Variants in MYO9B observed in about 807,000 individuals in gnomAD.
MYO9B encodes myosin IXB.
MYO9B carries 71 observed loss-of-function variants against 229.5 expected under a neutral mutation model. The observed-to-expected ratio is 0.31, with a 90% CI of 0.26 to 0.38. The LOEUF (loss-of-function observed/expected upper bound fraction) is 0.38. Ranked by LOEUF, MYO9B falls within the 10% of genes least tolerant of loss-of-function variation. The pLI is 1.00. For synonymous variants in MYO9B, 1,185 were observed against 1,235.8 expected (o/e 0.96, Z 0.86); for missense variants, 2,255 against 2,920.5 (o/e 0.77, Z 5.25).
At position 17,195,702 on chromosome 19, in the gene MYO9B, G is replaced by A. The variant is rs573209570; in HGVS notation, c.4046+229G>A. Among the ~76,000 whole-genome samples, 2 of 152,310 alleles carry A rather than the reference G, an allele frequency of 1.3e-5. No homozygotes were observed. Among genetic ancestry groups the A allele is most frequent in the South Asian group, 4.1e-4 (2 of 4,830 alleles). On this transcript the variant is annotated intron_variant, in intron 22 of 39. Transcript: ENST00000682292. The surrounding 1 kb of genome is among the most constrained non-coding windows in gnomAD (Gnocchi z 4.5). ...CCTTGAGGGGTCCCCAGAAGGAGCTGTGCTCACACAGAAAGGCCCCGGCCT... is the reference window on the plus strand; with the variant it reads ...CCTTGAGGGGTCCCCAGAAGGAGCTATGCTCACACAGAAAGGCCCCGGCCT...
At chr19:17,142,218 TA>T (rs1282591781) in intron 2 of MYO9B, among the ~76,000 whole-genome samples, 1 of 149,618 alleles carries the variant, frequency 6.7e-6, no homozygotes, top group African/African-American at 2.5e-5. Context: ...CAACAGGCCA[TA>T]AGTGTATGAC....
intron 2 of MYO9B, among the ~76,000 whole-genome samples, chr19:17,132,841 TTTTA>T (rs891444400): frequency 6.7e-6 from 1 of 149,604 alleles, no homozygotes. Flanking sequence ...TTTATTTCTT[TTTTA>T]TTTATTTATT....
rs140236783 is a variant in MYO9B, at chr19:17,184,763, G to A, written c.2374-102G>A. The A allele has an allele frequency of 2.0e-4, 301 of 1,501,450 alleles. 1 individual carries two copies. In the African/African-American group the frequency reaches 2.7e-3, roughly 13 times the overall value. 93.0% of individuals were successfully genotyped at this position (1,501,450 alleles called of 1,614,324 possible). On this transcript the variant is annotated intron_variant, in intron 16 of 39. Transcript: ENST00000682292. ...AAGAGCTGCTGCCCGGGCACTCGCT[G>A]CGGGGACGCTGTTCTGCCCTGGCTT...
intron 3 of MYO9B, among the ~76,000 whole-genome samples, chr19:17,146,166 G>GATGC (rs1319459394): frequency 1.1e-4 from 4 of 35,880 alleles, no homozygotes; most frequent in Non-Finnish European, 2.5e-4. Context: ...TGGATAGATG[G>GATGC]ATGGATGGAT....
At chr19:17,197,318 T>A in intron 22 of MYO9B, among the ~76,000 whole-genome samples, 1 of 147,588 alleles carries the variant, frequency 6.8e-6, no homozygotes, top group African/African-American at 2.5e-5. Flanking sequence ...GATGAAGAGA[T>A]GGATGGAAGG....
At chr19:17,199,690 CT>C (rs202022614) in intron 24 of MYO9B, among the ~76,000 whole-genome samples, 4 of 72,048 alleles carry the variant, frequency 5.6e-5, no homozygotes, top group African/African-American at 2.3e-4. Context: ...ATTTTTTTTT[CT>C]TTTTTTTTCT....
intron 36 of MYO9B, 30 bp from the exon 37 acceptor site, chr19:17,210,303 G>A: frequency 6.4e-7 from 1 of 1,573,232 alleles, no homozygotes; most frequent in Middle Eastern, 1.7e-4. Flanking sequence ...CTTGGCCCGT[G>A]TGGTCACCCT....
Position 17,194,788 on chromosome 19 carries a change from C to G in MYO9B, c.3361C>G (p.Pro1121Ala), listed in dbSNP as rs752969802. 1.2e-6 allele frequency: 2 copies of G among 1,613,322 alleles called. No homozygotes were observed. Among genetic ancestry groups the G allele is most frequent in the South Asian group, 2.2e-5 (2 of 91,074 alleles). ...LEHSSPEKEA[P>A]SPEKTLPPQK... is the part of the protein sequence containing the mutation. ...GCACTCCTCACCTGAGAAGGAGGCC[C>G]CAAGCCCAGAGAAGACTCTCCCACC... Residue 1121 changes from proline (P) to alanine (A), a missense_variant, in exon 22 of 40, where the codon CCA becomes GCA. By Grantham distance (27) the Pro-to-Ala change is conservative. This residue lies in a region of MYO9B where 679 missense variants were observed against 770.2 expected (regional missense o/e 0.88). Coordinates refer to ENST00000682292, the MANE Select transcript of MYO9B (RefSeq NM_004145.4).
At chr19:17,120,928 T>C (rs35535716) in intron 2 of MYO9B, among the ~76,000 whole-genome samples, 35,215 of 152,108 alleles carry the variant, frequency 0.23, 4,526 homozygotes, top group African/African-American at 0.34. Context: ...TGAGCCCTCA[T>C]ACCCGGTCTG....
At position 17,172,414 on chromosome 19, in the gene MYO9B, C is replaced by T; in HGVS notation, c.1872C>T (p.Thr624=). Residue 624 remains threonine (T), a synonymous_variant, in exon 12 of 40, where the codon ACC becomes ACT. Coordinates refer to ENST00000682292, the MANE Select transcript of MYO9B (RefSeq NM_004145.4). This position sits in a 1 kb window ranked among gnomAD's most constrained non-coding sequence, Gnocchi z 8.2. ...AGGACAATAAGTACTTCCTGGGCAC[C>T]CCGGTCATGGAGCCAGCTTTCATCA... ...QHEDNKYFLG[T]PVMEPAFIIQ... 1 of 1,613,926 alleles carries T rather than the reference C, an allele frequency of 6.2e-7. No individual in the cohort carries two copies. Among genetic ancestry groups the T allele is most frequent in the Non-Finnish European group, 8.5e-7 (1 of 1,179,866 alleles).
intron 3 of MYO9B, among the ~76,000 whole-genome samples, chr19:17,147,525 C>T (rs540550113): frequency 1.6e-4 from 19 of 122,182 alleles, no homozygotes; most frequent in East Asian, 5.0e-4. Flanking sequence ...GCCTGGGTGA[C>T]GAGCGAAAGT....
At chr19:17,092,914 G>A (rs1758541691) in intron 1 of MYO9B, among the ~76,000 whole-genome samples, 2 of 152,170 alleles carry the variant, frequency 1.3e-5, no homozygotes, top group African/African-American at 4.8e-5. Flanking sequence ...TCACAGAGGT[G>A]TGTTCATGTT....
intron 2 of MYO9B, among the ~76,000 whole-genome samples, chr19:17,129,279 G>A (rs960566061): frequency 1.3e-5 from 2 of 152,182 alleles, no homozygotes; most frequent in African/African-American, 4.8e-5. Context: ...GCGGGCTCCT[G>A]TAGTTGCAGC....
intron 15 of MYO9B, among the ~76,000 whole-genome samples, chr19:17,182,066 C>T (rs554639647): frequency 3.4e-4 from 51 of 151,174 alleles, no homozygotes; most frequent in Admixed American, 4.6e-4. Flanking sequence ...CATGATTCAC[C>T]GCCCTTTTTT....
At chr19:17,154,462 G>C in intron 6 of MYO9B, 47 bp downstream of exon 6, 1 of 1,445,158 alleles carries the variant, frequency 6.9e-7, no homozygotes, top group Non-Finnish European at 9.6e-7. Context: ...CCTACAGGGG[G>C]CACGCATGGC....
intron 29 of MYO9B, 40 bp from the exon 30 acceptor site, chr19:17,203,106 CT>C: frequency 6.6e-7 from 1 of 1,516,112 alleles, no homozygotes; most frequent in Non-Finnish European, 9.0e-7. Flanking sequence ...GGAGGGCTGC[CT>C]TCCCCTTTCC....
intron 1 of MYO9B, among the ~76,000 whole-genome samples, chr19:17,077,953 T>A (rs961265268): frequency 1.1e-4 from 16 of 152,208 alleles, no homozygotes; most frequent in Non-Finnish European, 1.5e-4. Flanking sequence ...CCCGAGGCAG[T>A]ACCGTCCCTC....
intron 13 of MYO9B, among the ~76,000 whole-genome samples, chr19:17,173,636 T>C (rs17534314): frequency 0.063 from 9,552 of 152,150 alleles, 394 homozygotes; most frequent in Non-Finnish European, 0.094. Context: ...CATTCTCTAC[T>C]GGGAACCCAG....
chr19:17,189,706 T>C (rs553266275), intron 19 of MYO9B, among the ~76,000 whole-genome samples: 32 of 152,144 alleles, frequency 2.1e-4, no homozygotes, highest in East Asian at 3.9e-4. Flanking sequence ...GTGACTGTGG[T>C]TCCCAGCCAC....
Sources: allele counts gnomAD v4.1 joint callset (sites outside exome capture counted in the v4.1 genomes callset), GRCh38; gene constraint gnomAD v4.1.1; regional missense constraint gnomAD v4.1.1; non-coding constraint Gnocchi (gnomAD v3.1); transcripts MANE v1.5; gene names NCBI Gene and HGNC (gene_info 2026-07-23, HGNC 2026-07-21).